ASPH: variants seen among roughly 807,000 people sequenced by gnomAD.
The protein encoded by ASPH is aspartate beta-hydroxylase, also known as aspartyl/asparaginyl beta-hydroxylase.
ASPH carries 100 observed loss-of-function variants against 118.4 expected under a neutral mutation model. The ratio of observed to expected loss-of-function variants is 0.84; its 90% CI spans 0.72 to 1.00. ASPH has a LOEUF of 1.00. Among genes scored for constraint, ASPH ranks in the 50% least tolerant of loss-of-function variants. The probability of loss-of-function intolerance (pLI) is 0.00; values close to 1 mark genes in which losing one functional copy is unlikely to be tolerated. For synonymous variants in ASPH, 315 were observed against 325.6 expected (o/e 0.97, Z 0.35); for missense variants, 920 against 919.5 (o/e 1.00, Z -0.01).
chr8:61,544,633 T>C (rs1823121553), intron 21 of ASPH, among the ~76,000 whole-genome samples: 2 of 152,206 alleles, frequency 1.3e-5, no homozygotes, highest in African/African-American at 2.4e-5. Context: ...ACTTCTTATA[T>C]GTAAGAAATG....
intron 16 of ASPH, among the ~76,000 whole-genome samples, chr8:61,567,585 G>A (rs566620471): frequency 6.6e-6 from 1 of 152,202 alleles, no homozygotes; most frequent in African/African-American, 2.4e-5. Context: ...TGATGGAGAT[G>A]TACGTCCTAT....
In ASPH at chr8:61,659,225, C is replaced by T. The variant is rs74469054; in HGVS notation, c.323-5565G>A. On this transcript the variant is annotated intron_variant, in intron 3 of 24. Coordinates refer to ENST00000379454, the MANE Select transcript of ASPH (RefSeq NM_004318.4). ...CAGCATTTCACTGGAGGGATTGCAGCCACCTCAATCTCTTGTATCCCCCAT... is the reference window on the plus strand; with the variant it reads ...CAGCATTTCACTGGAGGGATTGCAGTCACCTCAATCTCTTGTATCCCCCAT... 8 of 152,348 alleles carry T rather than the reference C, an allele frequency of 5.3e-5. No homozygotes were observed. In the East Asian group the frequency reaches 1.5e-3, roughly 29 times the overall value. The allele number at this position is 152,348 out of a possible 1,614,324, so 9.4% of individuals were successfully genotyped here. A position where few individuals can be genotyped will look rare whatever the true frequency, so the allele number is the denominator to read the frequency against.
At chr8:61,617,932 C>CAAAAAAAAAAAA (rs10674052) in intron 14 of ASPH, among the ~76,000 whole-genome samples, 1 of 87,868 alleles carries the variant, frequency 1.1e-5, no homozygotes, top group Non-Finnish European at 2.2e-5. Flanking sequence ...GACGCCATCT[C>CAAAAAAAAAAAA]AAAAAAAAAA....
chr8:61,538,742 G>A (rs1268508739), intron 21 of ASPH, among the ~76,000 whole-genome samples: 1 of 152,136 alleles, frequency 6.6e-6, no homozygotes, highest in Non-Finnish European at 1.5e-5. Flanking sequence ...AAATATTACT[G>A]GGCACTCTTC....
In ASPH at chr8:61,626,441, C is replaced by T. The variant is rs537356257; in HGVS notation, c.934+7242G>A. Among the ~76,000 whole-genome samples, 6 of 152,048 alleles carry T rather than the reference C, an allele frequency of 3.9e-5. No homozygotes were observed. In the South Asian group the frequency reaches 1.2e-3, roughly 32 times the overall value. On this transcript the variant is annotated intron_variant, in intron 13 of 24. Coordinates refer to ENST00000379454, the MANE Select transcript of ASPH (RefSeq NM_004318.4). ...ACTTGGTAACAGAATAATCAACTAC[C>T]GAAAGAAGCCCCTGGGGATGGCTTG... is the stretch of plus-strand genomic sequence containing the variant.
intron 5 of ASPH, among the ~76,000 whole-genome samples, chr8:61,649,680 GTTCT>G (rs1007708228): frequency 4.0e-5 from 6 of 151,434 alleles, no homozygotes; most frequent in African/African-American, 1.2e-4. Flanking sequence ...ACATCTTAGG[GTTCT>G]TTCTATTTCT....
In ASPH at chr8:61,643,367, G is replaced by A; in HGVS notation, c.757+19C>T. The A allele has an allele frequency of 1.3e-6, 2 of 1,595,880 alleles. No homozygotes were observed. The highest frequency in any genetic ancestry group is 2.3e-5 in the South Asian group (2 of 88,674). On this transcript the variant is annotated intron_variant, in intron 9 of 24. Coordinates refer to ENST00000379454, the MANE Select transcript of ASPH (RefSeq NM_004318.4). The stretch of plus-strand genomic sequence containing the variant: ...TCTAAGGTAATATTTTAAATCTAAT[G>A]AAAATGCTCATCTAATACCTGTATC...
At chr8:61,674,763 A>G (rs1482828768) in intron 3 of ASPH, among the ~76,000 whole-genome samples, 1 of 152,210 alleles carries the variant, frequency 6.6e-6, no homozygotes, top group Non-Finnish European at 1.5e-5. Flanking sequence ...TGAATGATAC[A>G]CTTATTGAAA....
At chr8:61,625,012 T>C (rs1032646806) in intron 13 of ASPH, 9 of 985,476 alleles carry the variant, frequency 9.1e-6, no homozygotes, top group Admixed American at 1.2e-4. Flanking sequence ...TAGAAGTATC[T>C]TTGATTTTAA....
intron 13 of ASPH, chr8:61,625,601 A>G (rs1196039411): frequency 1.0e-6 from 1 of 982,126 alleles, no homozygotes; most frequent in African/African-American, 1.8e-5. Context: ...CTCTCATTTA[A>G]AAAAATAAAT....
At chr8:61,619,129 T>C in intron 13 of ASPH, 110 bp from the exon 14 acceptor site, 2 of 669,636 alleles carry the variant, frequency 3.0e-6, no homozygotes, top group Middle Eastern at 3.6e-4. Context: ...AAGAAAAATA[T>C]ATCTGAGCAT....
In ASPH at chr8:61,562,782, T is replaced by C. The variant is rs149515549; in HGVS notation, c.1399A>G (p.Ile467Val). 19 of 1,611,808 alleles carry C rather than the reference T, an allele frequency of 1.2e-5. No individual in the cohort carries two copies. The African/African-American group carries it at 2.4e-4, about 20-fold the overall frequency. ...TTCTTTGCATTGTCATTATCTCCTA[T>C]CAAGAGGTATCCCACGCCAAGGTCA... Reference protein sequence around the residue: ...KNDLGVGYLLIGDNDNAKKVY... With the variant: ...KNDLGVGYLLVGDNDNAKKVY... Residue 467 changes from isoleucine to valine, a missense_variant, in exon 18 of 25, where the codon ATA (isoleucine) becomes GTA (valine). Transcript: ENST00000379454.
chr8:61,681,074 A>T (rs754072451), intron 2 of ASPH, 38 bp from the exon 3 acceptor site: 7 of 1,497,218 alleles, frequency 4.7e-6, no homozygotes, highest in Non-Finnish European at 6.3e-6. Context: ...GGGAATAAAA[A>T]AGAAAAGAAA....
At chr8:61,592,599 CA>C (rs1402327933) in intron 14 of ASPH, among the ~76,000 whole-genome samples, 1 of 151,810 alleles carries the variant, frequency 6.6e-6, no homozygotes, top group African/African-American at 2.4e-5. Flanking sequence ...ATCTAAAAAG[CA>C]AAACAATTTA....
At chr8:61,704,885 A>G (rs1048040720) in intron 1 of ASPH, among the ~76,000 whole-genome samples, 27 of 152,356 alleles carry the variant, frequency 1.8e-4, no homozygotes, top group Admixed American at 5.9e-4. Flanking sequence ...TATAAAATAT[A>G]TTGTACAACT....
At chr8:61,695,015 TACA>T (rs1195552176) in intron 1 of ASPH, among the ~76,000 whole-genome samples, 2 of 152,190 alleles carry the variant, frequency 1.3e-5, no homozygotes, top group Admixed American at 1.3e-4. Context: ...AACGGGTGAT[TACA>T]ACGAGGCCAA....
intron 24 of ASPH, among the ~76,000 whole-genome samples, chr8:61,514,632 C>T (rs907745650): frequency 6.6e-6 from 1 of 152,108 alleles, no homozygotes; most frequent in Non-Finnish European, 1.5e-5. Flanking sequence ...TAGTGTGAAC[C>T]TGGGAGGCAG....
chr8:61,579,419 C>A, intron 15 of ASPH: 1 of 1,612,864 alleles, frequency 6.2e-7, no homozygotes, highest in Non-Finnish European at 8.5e-7. Flanking sequence ...GCAAAGAGAG[C>A]CGGCTGAAGT....
chr8:61,673,331 A>G (rs771483804), intron 3 of ASPH, among the ~76,000 whole-genome samples: 1 of 152,150 alleles, frequency 6.6e-6, no homozygotes, highest in Non-Finnish European at 1.5e-5. Flanking sequence ...TCATGTCCCA[A>G]AGCAAGGCAG....
Sources: gnomAD v4.1 joint callset for allele counts (sites outside exome capture counted in the v4.1 genomes callset) on GRCh38, gnomAD v4.1.1 for gene constraint, MANE v1.5 for transcripts, NCBI Gene and HGNC (gene_info 2026-07-23, HGNC 2026-07-21) for gene names.